ACTN4: variants seen among roughly 807,000 people sequenced by gnomAD.
ACTN4 encodes actinin alpha 4, also known as alpha-actinin-4.
A neutral mutation model predicts 114.2 loss-of-function variants in ACTN4; 18 were observed. The ratio of observed to expected loss-of-function variants is 0.16; its 90% confidence interval spans 0.11 to 0.23. ACTN4 has a LOEUF of 0.23. Ranked by LOEUF, ACTN4 falls within the 10% of genes least tolerant of loss-of-function variation. The pLI is 1.00. For missense variants in ACTN4, 722 were observed against 1,262.9 expected (o/e 0.57, Z 6.49); for synonymous variants, 515 against 506.3 (o/e 1.02, Z -0.23).
At chr19:38,721,517 G>C (rs772650157) in intron 11 of ACTN4, 21 bp from the exon 12 acceptor site, 4 of 1,613,404 alleles carry the variant, frequency 2.5e-6, no homozygotes, top group Admixed American at 3.3e-5. Context: ...TGTGGTCTAA[G>C]CGTCTCTCTG....
intron 1 of ACTN4, among the ~76,000 whole-genome samples, chr19:38,659,655 A>T (rs143144231): frequency 3.0e-4 from 45 of 152,326 alleles, no homozygotes; most frequent in Admixed American, 4.6e-4. Flanking sequence ...AGTTCTTGCC[A>T]AATACGGCCT....
intron 1 of ACTN4, among the ~76,000 whole-genome samples, chr19:38,666,314 G>T (rs1349022714): frequency 6.6e-6 from 1 of 152,174 alleles, no homozygotes; most frequent in African/African-American, 2.4e-5. Flanking sequence ...CAGGGTGCAG[G>T]CCTGAAGCAA....
chr19:38,726,983 G>T lies in ACTN4; in HGVS notation c.2217G>T (p.Leu739=). The part of the protein sequence containing the change: ...MEHIRVGWEQ[L]LTTIARTINE... ...ACATCCGCGTGGGCTGGGAGCAGCT[G>T]CTCACCACCATTGCCCGCACCATCA... is the stretch of plus-strand genomic sequence containing the variant. The change falls in exon 18 of 21, where the codon CTG becomes CTT. Residue 739 remains leucine (L), a synonymous_variant. Transcript: ENST00000252699. 1 of 1,614,076 alleles carries T rather than the reference G, an allele frequency of 6.2e-7. No individual in the cohort carries two copies. The highest frequency in any genetic ancestry group is 8.5e-7 in the Non-Finnish European group (1 of 1,180,016).
At chr19:38,658,702 C>T (rs980461020) in intron 1 of ACTN4, among the ~76,000 whole-genome samples, 14 of 152,150 alleles carry the variant, frequency 9.2e-5, no homozygotes, top group Non-Finnish European at 1.6e-4. Flanking sequence ...CTTGCCAGGC[C>T]GGTTCAAGGG....
chr19:38,671,907 G>C (rs1038125743), intron 1 of ACTN4, among the ~76,000 whole-genome samples: 1 of 152,182 alleles, frequency 6.6e-6, no homozygotes, highest in African/African-American at 2.4e-5. Flanking sequence ...CTGGCCTTGA[G>C]TCCTTAGATG....
chr19:38,712,592 G>T (rs1034612621), intron 8 of ACTN4, among the ~76,000 whole-genome samples: 8 of 152,046 alleles, frequency 5.3e-5, no homozygotes, highest in Non-Finnish European at 8.8e-5. Context: ...CATGCGATTG[G>T]AGCTTGTGTT....
chr19:38,696,918 T>A (rs946874774), intron 1 of ACTN4, among the ~76,000 whole-genome samples: 4 of 152,212 alleles, frequency 2.6e-5, no homozygotes, highest in Non-Finnish European at 4.4e-5. Context: ...TACCATTGCT[T>A]TCAGAGCAAA....
chr19:38,670,921 TAA>T (rs543111965), intron 1 of ACTN4, among the ~76,000 whole-genome samples: 31 of 123,976 alleles, frequency 2.5e-4, no homozygotes, highest in African/African-American at 3.3e-4. Context: ...TACTCCAACT[TAA>T]AAAAAAAAAA....
chr19:38,728,702 G>A (rs767303014), intron 19 of ACTN4, among the ~76,000 whole-genome samples: 1 of 152,184 alleles, frequency 6.6e-6, no homozygotes, highest in African/African-American at 2.4e-5. Flanking sequence ...GTGAGCCTGG[G>A]CTGAGGGCAG....
chr19:38,710,375 CGCCACCGCGCAAT>C, intron 8 of ACTN4, 33 bp downstream of exon 8: 2 of 1,604,372 alleles, frequency 1.2e-6, no homozygotes, highest in Non-Finnish European at 1.7e-6. Context: ...CCCTCCTCGC[CGCCACCGCGCAAT>C]GCCGCCGCTG....
At position 38,717,012 on chromosome 19, in the gene ACTN4, C is replaced by T. The variant is rs557293843; in HGVS notation, c.913-74C>T. 10 of 1,485,838 alleles carry T rather than the reference C, an allele frequency of 6.7e-6. No homozygotes were observed. The East Asian group carries it at 1.7e-4, about 25-fold the overall frequency. The allele number at this position is 1,485,838 out of a possible 1,614,324, so 92.0% of individuals were successfully genotyped here. On this transcript the variant is annotated intron_variant, in intron 9 of 20. Coordinates refer to ENST00000252699, the MANE Select transcript of ACTN4 (RefSeq NM_004924.6). The surrounding 1 kb of genome is among the most constrained non-coding windows in gnomAD (Gnocchi z 4.0). Reference sequence around the variant, plus strand: ...CTCAAAGATCCAGATCCCATGTGCCCATAAGCTGGGGGGCAGCCCGTCAGC... The same window carrying T: ...CTCAAAGATCCAGATCCCATGTGCCTATAAGCTGGGGGGCAGCCCGTCAGC...
chr19:38,731,266 C>T lies in ACTN4; in HGVS notation c.*1834C>T, dbSNP rs771654094. 111 of 1,523,792 alleles carry T rather than the reference C, an allele frequency of 7.3e-5. No individual in the cohort carries two copies. Among genetic ancestry groups the T allele is most frequent in the Non-Finnish European group, 9.8e-5 (108 of 1,102,144 alleles). 94.4% of individuals were successfully genotyped at this position (1,523,792 alleles called of 1,614,324 possible). On this transcript the variant is annotated 3_prime_UTR_variant, in exon 21 of 21. Transcript: ENST00000252699. The stretch of plus-strand genomic sequence containing the variant: ...CTGAGCCCAGTGGCCCACAGGGAAC[C>T]CACCTTGGCATTGCATCCCCACCCC...
At chr19:38,691,191 G>A (rs182169336) in intron 1 of ACTN4, among the ~76,000 whole-genome samples, 67 of 152,160 alleles carry the variant, frequency 4.4e-4, no homozygotes, top group Admixed American at 1.5e-3. Flanking sequence ...CGAGGTGGGC[G>A]GATCACCTGA....
At chr19:38,679,407 A>T (rs1157496984) in intron 1 of ACTN4, among the ~76,000 whole-genome samples, 1 of 152,098 alleles carries the variant, frequency 6.6e-6, no homozygotes, top group African/African-American at 2.4e-5. Flanking sequence ...TATATGATAC[A>T]TAACCCACAC....
At position 38,731,074 on chromosome 19, in the gene ACTN4, CCCCATGCCCCA is replaced by C. The variant is rs2145133807; in HGVS notation, c.*1645_*1655del. 6.3e-7 allele frequency: 1 copy of C among 1,577,448 alleles called. No individual in the cohort carries two copies. Among genetic ancestry groups the C allele is most frequent in the Non-Finnish European group, 8.6e-7 (1 of 1,161,896 alleles). On this transcript the variant is annotated 3_prime_UTR_variant, in exon 21 of 21. Transcript: ENST00000252699. Reference sequence around the variant, plus strand: ...GCCCACCAGTCCCCGTACCCCTTCCCCCCATGCCCCACCATGCCGGGGTGGTACTCACAGAA... The same window carrying C: ...GCCCACCAGTCCCCGTACCCCTTCCCCCATGCCGGGGTGGTACTCACAGAA...
rs770315743 is a variant in ACTN4 at position 38,664,578 on chromosome 19, AGTAG to A, written c.162+16674_162+16677del. Among the ~76,000 whole-genome samples, 186 of 152,312 alleles carry A rather than the reference AGTAG, an allele frequency of 1.2e-3. 1 individual carries two copies. Among genetic ancestry groups the A allele is most frequent in the Admixed American group, 3.1e-3 (48 of 15,298 alleles). ...CTAAAGGATTAGACTGCCTAGCATC[AGTAG>A]GTTTACCATAGAAGGATTCAGTGGA... On this transcript the variant is annotated intron_variant, in intron 1 of 20. Transcript: ENST00000252699.
At chr19:38,697,779 G>A (rs760318687) in intron 1 of ACTN4, among the ~76,000 whole-genome samples, 1 of 152,244 alleles carries the variant, frequency 6.6e-6, no homozygotes, top group Non-Finnish European at 1.5e-5. Context: ...GATGTGTCTT[G>A]GCTACTTTGC....
In ACTN4 at chr19:38,730,866, C is replaced by T; in HGVS notation, c.*1434C>T. The stretch of plus-strand genomic sequence containing the variant: ...ATCCGGAGATCCTAGGAGAAGGTGG[C>T]CACCTCCATCCACTAAGGAAGAGAA... On this transcript the variant is annotated 3_prime_UTR_variant, in exon 21 of 21. Transcript: ENST00000252699. 6.4e-7 allele frequency: 1 copy of T among 1,551,348 alleles called. No individual in the cohort carries two copies. Among genetic ancestry groups the T allele is most frequent in the Non-Finnish European group, 8.7e-7 (1 of 1,147,382 alleles).
At chr19:38,712,180 C>T (rs926979398) in intron 8 of ACTN4, among the ~76,000 whole-genome samples, 10 of 152,080 alleles carry the variant, frequency 6.6e-5, no homozygotes, top group Non-Finnish European at 1.3e-4. Context: ...GAGGGCTAGG[C>T]GCAGTTAGCC....
Sources: gnomAD v4.1 joint callset for allele counts (sites outside exome capture counted in the v4.1 genomes callset) on GRCh38, gnomAD v4.1.1 for gene constraint, Gnocchi (gnomAD v3.1) non-coding constraint, MANE v1.5 for transcripts, NCBI Gene and HGNC (gene_info 2026-07-23, HGNC 2026-07-21) for gene names.